TNR: variants seen among roughly 807,000 people sequenced by gnomAD.
TNR encodes the protein tenascin R.
Under a neutral mutation model 150.4 loss-of-function variants are expected in TNR, and 45 were observed. That is an observed-to-expected ratio of 0.30 (90% CI 0.24 to 0.38). TNR has a LOEUF of 0.38. Among genes scored for constraint, TNR ranks in the 10% least tolerant of loss-of-function variants. TNR has a pLI of 1.00. For missense variants in TNR, 1,544 were observed against 1,759.1 expected, an observed-to-expected ratio of 0.88 and a Z score of 2.19; for synonymous variants, 687 against 678.4, an observed-to-expected ratio of 1.01 and a Z score of -0.20.
intron 2 of TNR, among the ~76,000 whole-genome samples, chr1:175,437,704 T>A (rs1450124938): frequency 6.6e-6 from 1 of 152,134 alleles, no homozygotes; most frequent in Non-Finnish European, 1.5e-5. Context: ...ATATCACCAC[T>A]GATCCCACAG....
intron 2 of TNR, among the ~76,000 whole-genome samples, chr1:175,492,362 G>A (rs936175320): frequency 2.0e-5 from 3 of 152,292 alleles, no homozygotes; most frequent in East Asian, 3.9e-4. Context: ...GCATGCAGGT[G>A]GGTTTTCTGA....
intron 1 of TNR, among the ~76,000 whole-genome samples, chr1:175,614,691 C>A (rs1156498061): frequency 6.6e-6 from 1 of 152,142 alleles, no homozygotes; most frequent in African/African-American, 2.4e-5. Context: ...TTAGTGTCCC[C>A]CAGGGCTCCC....
At chr1:175,617,092 C>T (rs1663802853) in intron 1 of TNR, among the ~76,000 whole-genome samples, 1 of 152,164 alleles carries the variant, frequency 6.6e-6, no homozygotes, top group Admixed American at 6.5e-5. Context: ...CCTCTTTCTT[C>T]TATTAAGGAG....
chr1:175,683,983 T>C (rs1422628114), intron 1 of TNR, among the ~76,000 whole-genome samples: 1 of 152,098 alleles, frequency 6.6e-6, no homozygotes, highest in African/African-American at 2.4e-5. Context: ...GCCAGCCTGC[T>C]CCGGGAGCTG....
At chr1:175,676,884 C>T (rs961037360) in intron 1 of TNR, among the ~76,000 whole-genome samples, 1 of 152,194 alleles carries the variant, frequency 6.6e-6, no homozygotes, top group African/African-American at 2.4e-5. Context: ...CAAACAAGAG[C>T]TAGCTCCTCT....
intron 2 of TNR, among the ~76,000 whole-genome samples, chr1:175,514,286 G>A (rs1571546663): frequency 6.6e-6 from 1 of 152,206 alleles, no homozygotes; most frequent in Non-Finnish European, 1.5e-5. Context: ...TGATATGGAG[G>A]AAGAGGACAC....
At chr1:175,733,918 G>A (rs1667707141) in intron 1 of TNR, among the ~76,000 whole-genome samples, 1 of 140,266 alleles carries the variant, frequency 7.1e-6, no homozygotes, top group Non-Finnish European at 1.5e-5. Flanking sequence ...GCCTTGTGAG[G>A]GAGTCAGTTA....
chr1:175,580,436 A>G (rs1045101976), intron 1 of TNR, among the ~76,000 whole-genome samples: 1 of 152,224 alleles, frequency 6.6e-6, no homozygotes, highest in African/African-American at 2.4e-5. Flanking sequence ...GAGGGCTGTC[A>G]TTCAAAGCAA....
At position 175,682,829 on chromosome 1, in the gene TNR, C is replaced by T. The variant is rs183953003; in HGVS notation, c.-165+60397G>A. Reference sequence around the variant, plus strand: ...GGCACCCTTCACCCCTGGGACCCCACACGCACTCTACATGGGTGCTGGAAT... The same window carrying T: ...GGCACCCTTCACCCCTGGGACCCCATACGCACTCTACATGGGTGCTGGAAT... On this transcript the variant is annotated intron_variant, in intron 1 of 22. Transcript: ENST00000367674. Among the ~76,000 whole-genome samples the T allele has an allele frequency of 1.7e-3, 252 of 152,298 alleles. 1 individual carries two copies. Among genetic ancestry groups the T allele is most frequent in the African/African-American group, 5.7e-3 (237 of 41,558 alleles).
chr1:175,691,986 C>T, intron 1 of TNR, among the ~76,000 whole-genome samples: 1 of 152,280 alleles, frequency 6.6e-6, no homozygotes, highest in East Asian at 1.9e-4. Flanking sequence ...GAAATTATTT[C>T]ATATATAATT....
At chr1:175,722,044 C>T (rs1042947024) in intron 1 of TNR, among the ~76,000 whole-genome samples, 2 of 152,244 alleles carry the variant, frequency 1.3e-5, no homozygotes, top group African/African-American at 4.8e-5. Context: ...CAAGACCACC[C>T]TCACTCCCTC....
chr1:175,701,799 C>A (rs566779879), intron 1 of TNR, among the ~76,000 whole-genome samples: 5 of 152,310 alleles, frequency 3.3e-5, no homozygotes, highest in Non-Finnish European at 5.9e-5. Flanking sequence ...AGAAATGCAG[C>A]CTCTGGGCCC....
At chr1:175,692,602 A>C (rs1468404931) in intron 1 of TNR, among the ~76,000 whole-genome samples, 1 of 152,182 alleles carries the variant, frequency 6.6e-6, no homozygotes, top group Non-Finnish European at 1.5e-5. Context: ...ATGGGCAAAG[A>C]TCAGTCTCAC....
At chr1:175,396,891 C>A (rs1355517955) in intron 4 of TNR, 84 bp from the exon 5 acceptor site, 1 of 1,516,062 alleles carries the variant, frequency 6.6e-7, no homozygotes, top group Admixed American at 1.8e-5. Context: ...TCACATCTCA[C>A]CCCCCATGCC....
At chr1:175,712,578 A>G (rs750735681) in intron 1 of TNR, among the ~76,000 whole-genome samples, 10 of 152,236 alleles carry the variant, frequency 6.6e-5, no homozygotes, top group Admixed American at 2.0e-4. Context: ...ATAATCCCCA[A>G]TGCTGGTGGT....
At chr1:175,718,608 C>A (rs1023698915) in intron 1 of TNR, among the ~76,000 whole-genome samples, 2 of 152,170 alleles carry the variant, frequency 1.3e-5, no homozygotes, top group African/African-American at 4.8e-5. Context: ...TTTTATCTCC[C>A]CTCGATGGGT....
At chr1:175,559,712 T>C (rs1661341957) in intron 1 of TNR, among the ~76,000 whole-genome samples, 1 of 152,246 alleles carries the variant, frequency 6.6e-6, no homozygotes, top group Non-Finnish European at 1.5e-5. Flanking sequence ...ACATTTTCTT[T>C]ATCCATTCTC....
chr1:175,642,869 T>C (rs1354179296), intron 1 of TNR, among the ~76,000 whole-genome samples: 1 of 152,184 alleles, frequency 6.6e-6, no homozygotes, highest in East Asian at 1.9e-4. Context: ...AGTTTGAGGC[T>C]GCAGTGAGCT....
intron 20 of TNR, 47 bp from the exon 21 acceptor site, chr1:175,330,282 T>A (rs778952673): frequency 1.4e-6 from 2 of 1,446,244 alleles, no homozygotes; most frequent in Admixed American, 4.3e-5. Context: ...CCCAGCAGCT[T>A]TGGAAAATGG....
Sources: allele counts gnomAD v4.1 joint callset (sites outside exome capture counted in the v4.1 genomes callset), GRCh38; gene constraint gnomAD v4.1.1; transcripts MANE v1.5; gene names NCBI Gene and HGNC (gene_info 2026-07-23, HGNC 2026-07-21).